The following DLGAP1 variants were observed in gnomAD, a reference collection of about 807,000 sequenced individuals.
The protein encoded by DLGAP1 is DLG associated protein 1.
Under a neutral mutation model 90.8 loss-of-function variants are expected in DLGAP1, and 11 were observed. The observed-to-expected ratio is 0.12, with a 90% confidence interval of 0.08 to 0.20. DLGAP1 has a LOEUF of 0.20. Ranked by LOEUF, DLGAP1 falls within the 10% of genes least tolerant of loss-of-function variation. DLGAP1 has a pLI of 1.00. For missense variants in DLGAP1, 1,050 were observed against 1,333.8 expected (o/e 0.79, Z 3.31); for synonymous variants, 558 against 540.7 (o/e 1.03, Z -0.44).
intron 7 of DLGAP1, among the ~76,000 whole-genome samples, chr18:3,605,379 ATCT>A (rs1321844599): frequency 6.6e-6 from 1 of 152,210 alleles, no homozygotes; most frequent in Non-Finnish European, 1.5e-5. Context: ...CATTATAATT[ATCT>A]TCTTGGTTCC....
intron 1 of DLGAP1, among the ~76,000 whole-genome samples, chr18:4,250,711 A>G (rs1188548137): frequency 6.6e-6 from 1 of 152,124 alleles, no homozygotes. Flanking sequence ...TTAACTTTCC[A>G]CTATGGAGTG....
chr18:3,580,774 G>A, intron 8 of DLGAP1: 1 of 1,610,470 alleles, frequency 6.2e-7, no homozygotes, highest in South Asian at 1.1e-5. Flanking sequence ...AGACTTTGCA[G>A]TGTGCATGGT....
intron 2 of DLGAP1, among the ~76,000 whole-genome samples, chr18:4,120,471 G>A (rs1479843876): frequency 1.3e-5 from 2 of 152,198 alleles, no homozygotes; most frequent in Non-Finnish European, 2.9e-5. Context: ...TGATCTTGAT[G>A]TGAACCACTG....
intron 2 of DLGAP1, among the ~76,000 whole-genome samples, chr18:4,148,997 A>T (rs1324625552): frequency 1.3e-5 from 2 of 152,248 alleles, no homozygotes; most frequent in Non-Finnish European, 2.9e-5. Context: ...ATCTAACATT[A>T]TGCCCAGATA....
chr18:3,627,419 G>A lies in DLGAP1; in HGVS notation c.1592-45171C>T, dbSNP rs189320809. 1.1e-3 allele frequency among the ~76,000 whole-genome samples: 155 copies of A among 141,688 alleles called. 3 individuals are homozygous for A. The highest frequency in any genetic ancestry group is 6.3e-4 in the Non-Finnish European group (40 of 63,748). The allele number at this position is 141,688 out of a possible 152,430, so 93.0% of individuals were successfully genotyped here. ...GTCCAATGTGTTGTCAGTTTCCTTC[G>A]TACAGTTCCATGAGATAGAGGAATG... On this transcript the variant is annotated intron_variant, in intron 7 of 12. Coordinates refer to ENST00000315677, the MANE Select transcript of DLGAP1 (RefSeq NM_004746.4).
chr18:3,535,574 G>T (rs1055206290), intron 9 of DLGAP1, among the ~76,000 whole-genome samples: 1 of 151,988 alleles, frequency 6.6e-6, no homozygotes, highest in African/African-American at 2.4e-5. Context: ...CGGGCGTGGT[G>T]GTGGGCACCT....
chr18:4,425,927 C>T (rs2083141994), intron 1 of DLGAP1, among the ~76,000 whole-genome samples: 1 of 152,164 alleles, frequency 6.6e-6, no homozygotes, highest in Admixed American at 6.5e-5. Context: ...GGGCAGGAAT[C>T]CTATAGCATA....
At chr18:3,652,032 C>A (rs185455340) in intron 7 of DLGAP1, among the ~76,000 whole-genome samples, 96 of 151,548 alleles carry the variant, frequency 6.3e-4, no homozygotes, top group African/African-American at 2.2e-3. Flanking sequence ...GGCGTGGTGG[C>A]GCGCGCCTGT....
At chr18:3,626,653 C>T (rs888410441) in intron 7 of DLGAP1, among the ~76,000 whole-genome samples, 5 of 150,902 alleles carry the variant, frequency 3.3e-5, no homozygotes, top group Admixed American at 1.3e-4. Flanking sequence ...TGCCTATCAT[C>T]CCACTACTTT....
chr18:3,823,528 T>C (rs546557708), intron 4 of DLGAP1, among the ~76,000 whole-genome samples: 8 of 152,348 alleles, frequency 5.3e-5, no homozygotes, highest in Middle Eastern at 6.8e-3. Flanking sequence ...AGGTTTGTCT[T>C]ACTCAAATTT....
chr18:4,421,351 C>T (rs1480014747), intron 1 of DLGAP1, among the ~76,000 whole-genome samples: 1 of 152,128 alleles, frequency 6.6e-6, no homozygotes, highest in Non-Finnish European at 1.5e-5. Context: ...CATGCAATTA[C>T]ACTTAAGGCC....
intron 3 of DLGAP1, among the ~76,000 whole-genome samples, chr18:3,935,294 CA>C (rs769256399): frequency 8.5e-5 from 13 of 152,192 alleles, no homozygotes; most frequent in Admixed American, 2.6e-4. Flanking sequence ...AATGGAAAAA[CA>C]CTCTACGATT....
chr18:3,973,977 C>T (rs2073513227), intron 3 of DLGAP1, among the ~76,000 whole-genome samples: 1 of 152,226 alleles, frequency 6.6e-6, no homozygotes, highest in Admixed American at 6.5e-5. Context: ...ATCTGCACAG[C>T]ACGTGACTGT....
chr18:4,109,192 G>A (rs934551834), intron 2 of DLGAP1, among the ~76,000 whole-genome samples: 1 of 151,932 alleles, frequency 6.6e-6, no homozygotes, highest in African/African-American at 2.4e-5. Context: ...TTGGGGAAGT[G>A]GTTGTGTGTG....
At chr18:3,956,859 C>G (rs569325615) in intron 3 of DLGAP1, among the ~76,000 whole-genome samples, 1 of 151,890 alleles carries the variant, frequency 6.6e-6, no homozygotes, top group Non-Finnish European at 1.5e-5. Context: ...ACTATGTTGC[C>G]CAGGCTTGTC....
chr18:3,788,097 A>G lies in DLGAP1; in HGVS notation c.1172+25962T>C, dbSNP rs573557896. On this transcript the variant is annotated intron_variant, in intron 5 of 12. Coordinates refer to ENST00000315677, the MANE Select transcript of DLGAP1 (RefSeq NM_004746.4). ...AGCTCATTGGATTCCCCTAAGAAGA[A>G]TTTACTACCCCTGTAAAAGCATCCA... is the stretch of plus-strand genomic sequence containing the variant. 9.8e-5 allele frequency among the ~76,000 whole-genome samples: 15 copies of G among 152,298 alleles called. No individual in the cohort carries two copies. In the South Asian group the frequency reaches 2.7e-3, roughly 27 times the overall value.
intron 1 of DLGAP1, among the ~76,000 whole-genome samples, chr18:4,354,170 C>T (rs901676444): frequency 1.3e-5 from 2 of 152,170 alleles, no homozygotes; most frequent in Non-Finnish European, 2.9e-5. Context: ...CCTTCTTTCT[C>T]CTACTCTCCT....
intron 1 of DLGAP1, among the ~76,000 whole-genome samples, chr18:4,254,254 G>T (rs75412677): frequency 0.024 from 3,609 of 152,250 alleles, 151 homozygotes; most frequent in African/African-American, 0.082. Flanking sequence ...ATAGAGAGCT[G>T]CTTCTGTTGA....
At chr18:3,596,145 A>G (rs2056561872) in intron 7 of DLGAP1, among the ~76,000 whole-genome samples, 1 of 151,836 alleles carries the variant, frequency 6.6e-6, no homozygotes, top group African/African-American at 2.4e-5. Flanking sequence ...TGCCAGGAGC[A>G]GGAAAGAACA....
Sources: gnomAD v4.1 joint callset for allele counts (sites outside exome capture counted in the v4.1 genomes callset) on GRCh38, gnomAD v4.1.1 for gene constraint, MANE v1.5 for transcripts, NCBI Gene and HGNC (gene_info 2026-07-23, HGNC 2026-07-21) for gene names.